Variants in ELAVL2 observed in about 807,000 individuals in gnomAD.
The protein encoded by ELAVL2 is ELAV-like protein 2.
A neutral mutation model predicts 34.6 loss-of-function variants in ELAVL2; 4 were observed. That is an observed-to-expected ratio of 0.12 (90% CI 0.06 to 0.26). The LOEUF (loss-of-function observed/expected upper bound fraction) is 0.26. Ranked by LOEUF, ELAVL2 falls within the 10% of genes least tolerant of loss-of-function variation. The pLI is 1.00. For missense variants in ELAVL2, 432 were observed against 442.8 expected, an observed-to-expected ratio of 0.98 and a Z score of 0.22; for synonymous variants, 193 against 154.8, an observed-to-expected ratio of 1.25 and a Z score of -1.83.
At chr9:23,736,296 C>T (rs982363891) in intron 2 of ELAVL2, among the ~76,000 whole-genome samples, 4 of 152,096 alleles carry the variant, frequency 2.6e-5, no homozygotes, top group Admixed American at 6.5e-5. Flanking sequence ...ACAAGAGTCA[C>T]CCTACAAATT....
chr9:23,729,148 C>A (rs1052773131), intron 3 of ELAVL2, among the ~76,000 whole-genome samples: 4 of 152,174 alleles, frequency 2.6e-5, no homozygotes, highest in Admixed American at 2.6e-4. Flanking sequence ...TTTCTACCTT[C>A]TTCTGGATCT....
At chr9:23,726,109 TGAG>T (rs1174473824) in intron 3 of ELAVL2, among the ~76,000 whole-genome samples, 1 of 151,940 alleles carries the variant, frequency 6.6e-6, no homozygotes, top group Admixed American at 6.6e-5. Context: ...CATTTACTAA[TGAG>T]GAAAGGATAA....
chr9:23,691,165 A>T lies in ELAVL2; in HGVS notation c.*1392T>A, dbSNP rs1221478315. The T allele has an allele frequency of 6.6e-6, 1 of 152,598 alleles. No homozygotes were observed. Among genetic ancestry groups the T allele is most frequent in the Non-Finnish European group, 1.5e-5 (1 of 68,000 alleles). 9.5% of individuals were successfully genotyped at this position (152,598 alleles called of 1,614,324 possible). On this transcript the variant is annotated 3_prime_UTR_variant, in exon 7 of 7. Coordinates refer to ENST00000397312, the MANE Select transcript of ELAVL2 (RefSeq NM_004432.5). Reference sequence around the variant, plus strand: ...CTCAGGACAACAAAAGTGATTAAGCAAGACCTCAAGTAACAATGTTAATGC... The same window carrying T: ...CTCAGGACAACAAAAGTGATTAAGCTAGACCTCAAGTAACAATGTTAATGC...
intron 3 of ELAVL2, 146 bp downstream of exon 3, chr9:23,730,876 T>A (rs997709786): frequency 1.5e-6 from 1 of 684,544 alleles, no homozygotes; most frequent in Non-Finnish European, 2.4e-6. Flanking sequence ...GTTTCTTCCA[T>A]CTTGCAACAA....
At chr9:23,816,723 G>A (rs2063771912) in intron 1 of ELAVL2, among the ~76,000 whole-genome samples, 1 of 152,066 alleles carries the variant, frequency 6.6e-6, no homozygotes, top group African/African-American at 2.4e-5. Context: ...TCGATATAGG[G>A]CAATGGTAGC....
intron 1 of ELAVL2, among the ~76,000 whole-genome samples, chr9:23,769,460 G>A (rs1321580355): frequency 6.6e-6 from 1 of 152,162 alleles, no homozygotes; most frequent in African/African-American, 2.4e-5. Context: ...AATTAAGCAA[G>A]AGAATAGTCA....
At chr9:23,805,938 T>G (rs1431471604) in intron 1 of ELAVL2, among the ~76,000 whole-genome samples, 2 of 152,078 alleles carry the variant, frequency 1.3e-5, no homozygotes, top group Non-Finnish European at 2.9e-5. Flanking sequence ...TTAGTCAAAG[T>G]GGTTACAGAA....
chr9:23,797,059 TA>T (rs1354002524), intron 1 of ELAVL2, among the ~76,000 whole-genome samples: 1 of 152,136 alleles, frequency 6.6e-6, no homozygotes, highest in Non-Finnish European at 1.5e-5. Context: ...CAGGTTGAAT[TA>T]ACCTGACCTT....
At chr9:23,845,630 C>T in the ELAVL2 span, among the ~76,000 whole-genome samples, 1 of 151,514 alleles carries the variant, frequency 6.6e-6, no homozygotes, top group Non-Finnish European at 1.5e-5. Flanking sequence ...AAAAAATCTA[C>T]TAGTACTCTC....
intron 1 of ELAVL2, among the ~76,000 whole-genome samples, chr9:23,773,205 T>TA (rs2057616470): frequency 6.6e-6 from 1 of 152,158 alleles, no homozygotes; most frequent in South Asian, 2.1e-4. Context: ...AGAATGTATA[T>TA]AAGAGTTAAT....
At chr9:23,711,232 A>G (rs1438671251) in intron 3 of ELAVL2, among the ~76,000 whole-genome samples, 1 of 152,226 alleles carries the variant, frequency 6.6e-6, no homozygotes, top group African/African-American at 2.4e-5. Context: ...TCTTTAACGG[A>G]TATTCCAAAA....
chr9:23,716,345 GT>G (rs1166117342), intron 3 of ELAVL2, among the ~76,000 whole-genome samples: 1 of 152,080 alleles, frequency 6.6e-6, no homozygotes, highest in Non-Finnish European at 1.5e-5. Flanking sequence ...AAAAAACTTT[GT>G]TTTTGTATGA....
At chr9:23,758,420 T>A (rs1029010952) in intron 2 of ELAVL2, among the ~76,000 whole-genome samples, 1 of 152,126 alleles carries the variant, frequency 6.6e-6, no homozygotes, top group Non-Finnish European at 1.5e-5. Context: ...AGTTTATGCT[T>A]AAGTTAAATG....
chr9:23,781,502 TTC>T (rs1392171911), intron 1 of ELAVL2, among the ~76,000 whole-genome samples: 2 of 150,584 alleles, frequency 1.3e-5, no homozygotes, highest in Non-Finnish European at 2.9e-5. Flanking sequence ...TAAGAAAAGT[TTC>T]TTTTTTTTCT....
At chr9:23,766,274 G>C (rs2056240947) in intron 1 of ELAVL2, among the ~76,000 whole-genome samples, 1 of 152,052 alleles carries the variant, frequency 6.6e-6, no homozygotes, top group African/African-American at 2.4e-5. Flanking sequence ...TGTAACAAGA[G>C]ATTTTGGTCT....
intron 1 of ELAVL2, among the ~76,000 whole-genome samples, chr9:23,789,243 C>G (rs1355160154): frequency 6.6e-6 from 1 of 152,132 alleles, no homozygotes; most frequent in Non-Finnish European, 1.5e-5. Flanking sequence ...CTATATCAGT[C>G]TAGGCCAGTG....
intron 1 of ELAVL2, among the ~76,000 whole-genome samples, chr9:23,791,682 C>T (rs941422642): frequency 2.6e-5 from 4 of 152,198 alleles, no homozygotes; most frequent in African/African-American, 9.7e-5. Flanking sequence ...AATGATTTCT[C>T]CTTCTTTACA....
At chr9:23,699,983 T>C (rs2036627732) in intron 5 of ELAVL2, among the ~76,000 whole-genome samples, 1 of 152,090 alleles carries the variant, frequency 6.6e-6, no homozygotes, top group Non-Finnish European at 1.5e-5. Flanking sequence ...ACAAATTTCC[T>C]TCTCATATCT....
intron 1 of ELAVL2, among the ~76,000 whole-genome samples, chr9:23,822,648 C>T (rs981519100): frequency 2.0e-5 from 3 of 152,248 alleles, no homozygotes; most frequent in Admixed American, 2.0e-4. Flanking sequence ...CGTTTTTACA[C>T]CTGCTCGGCC....
Sources: allele counts gnomAD v4.1 joint callset (sites outside exome capture counted in the v4.1 genomes callset), GRCh38; gene constraint gnomAD v4.1.1; transcripts MANE v1.5; gene names NCBI Gene and HGNC (gene_info 2026-07-23, HGNC 2026-07-21).